Variants in MIR2052HG observed in about 807,000 individuals in gnomAD.
MIR2052HG encodes MIR2052 host gene.
chr8:74,620,588 ACT>A (rs1808348020), intron 2 of MIR2052HG, among the ~76,000 whole-genome samples: 1 of 152,240 alleles, frequency 6.6e-6, no homozygotes, highest in Non-Finnish European at 1.5e-5. Flanking sequence ...TGGAGTTTGC[ACT>A]CTCTGAAGCA....
At chr8:74,725,071 G>A (rs1809620066) in intron 4 of MIR2052HG, among the ~76,000 whole-genome samples, 1 of 151,950 alleles carries the variant, frequency 6.6e-6, no homozygotes, top group African/African-American at 2.4e-5. Flanking sequence ...AAGAACAAAA[G>A]AAGAATAGAA....
At chr8:74,628,504 T>A (rs1003169518) in intron 2 of MIR2052HG, among the ~76,000 whole-genome samples, 1 of 152,182 alleles carries the variant, frequency 6.6e-6, no homozygotes, top group African/African-American at 2.4e-5. Flanking sequence ...TCAGCCTAGC[T>A]CCTTGTTCAG....
chr8:74,633,518 A>G (rs759277625), intron 2 of MIR2052HG, among the ~76,000 whole-genome samples: 29 of 152,278 alleles, frequency 1.9e-4, no homozygotes, highest in Middle Eastern at 3.4e-3. Context: ...CCCTAATCAC[A>G]AGGCTCCTCC....
At chr8:74,719,835 T>C (rs1028431474) in intron 4 of MIR2052HG, among the ~76,000 whole-genome samples, 2 of 136,906 alleles carry the variant, frequency 1.5e-5, no homozygotes, top group Non-Finnish European at 3.1e-5. Flanking sequence ...CCTTCTTTTT[T>C]TTTTTTCTTT....
chr8:74,600,703 G>A (rs1394350477), intron 1 of MIR2052HG, among the ~76,000 whole-genome samples: 1 of 151,906 alleles, frequency 6.6e-6, no homozygotes, highest in Non-Finnish European at 1.5e-5. Context: ...AGCCTCCCAA[G>A]TAGCTGGGAT....
At chr8:74,703,668 T>C (rs922696094) in exon 4 of MIR2052HG, 8 of 452,526 alleles carry the variant, frequency 1.8e-5, no homozygotes, top group African/African-American at 1.2e-4. Flanking sequence ...GAGTGATTTA[T>C]CTTTTTCATC....
intron 2 of MIR2052HG, among the ~76,000 whole-genome samples, chr8:74,690,420 C>T (rs1452493931): frequency 6.6e-6 from 1 of 151,974 alleles, no homozygotes; most frequent in Non-Finnish European, 1.5e-5. Context: ...AATCGTCCTA[C>T]GTGGATAGAT....
chr8:74,680,849 G>T lies in MIR2052HG; in HGVS notation n.217-21530G>T, dbSNP rs1167749823. ...CAATGATAGACTGGATTAAGAAAAT[G>T]TGGCACATATACACCATGGAATACT... is the stretch of plus-strand genomic sequence containing the variant. On this transcript the variant is annotated intron_variant and non_coding_transcript_variant, in intron 2 of 6. Coordinates refer to ENST00000523442, the Ensembl canonical transcript of MIR2052HG. Among the ~76,000 whole-genome samples the T allele has an allele frequency of 2.6e-5, 4 of 151,570 alleles. No individual in the cohort carries two copies. In the East Asian group the frequency reaches 5.8e-4, roughly 22 times the overall value.
chr8:74,695,650 A>C (rs1323823703), intron 2 of MIR2052HG, among the ~76,000 whole-genome samples: 1 of 152,126 alleles, frequency 6.6e-6, no homozygotes, highest in East Asian at 1.9e-4. Context: ...AAAAGTGAGC[A>C]GGAGTAGCTA....
At chr8:74,699,679 G>A (rs909133815) in intron 2 of MIR2052HG, among the ~76,000 whole-genome samples, 3 of 151,916 alleles carry the variant, frequency 2.0e-5, no homozygotes, top group Non-Finnish European at 4.4e-5. Flanking sequence ...GACATATTGG[G>A]TACAGTGCAC....
intron 2 of MIR2052HG, among the ~76,000 whole-genome samples, chr8:74,625,906 A>G (rs909800874): frequency 1.3e-5 from 2 of 152,228 alleles, no homozygotes; most frequent in African/African-American, 4.8e-5. Context: ...TTATAAGAGC[A>G]GTCACCCTAC....
intron 4 of MIR2052HG, chr8:74,752,434 G>C (rs1364844470): frequency 2.2e-6 from 1 of 452,772 alleles, no homozygotes; most frequent in South Asian, 1.6e-5. Flanking sequence ...TGAATTTCAT[G>C]CACTAGGCCC....
chr8:74,682,200 T>A (rs1809133022), intron 2 of MIR2052HG, among the ~76,000 whole-genome samples: 1 of 152,258 alleles, frequency 6.6e-6, no homozygotes, highest in South Asian at 2.1e-4. Flanking sequence ...AATTTTAAAG[T>A]ATTTAGAGGA....
intron 2 of MIR2052HG, among the ~76,000 whole-genome samples, chr8:74,614,572 C>T (rs1434667096): frequency 6.6e-6 from 1 of 152,066 alleles, no homozygotes; most frequent in Non-Finnish European, 1.5e-5. Context: ...GGCAAATTGT[C>T]TTCTAATCCT....
chr8:74,667,600 T>C (rs573542996), intron 2 of MIR2052HG, among the ~76,000 whole-genome samples: 42 of 152,316 alleles, frequency 2.8e-4, no homozygotes, highest in African/African-American at 9.9e-4. Flanking sequence ...CCCACAAGCA[T>C]GGATGGAATC....
At chr8:74,601,442 G>A (rs1474089974) in intron 1 of MIR2052HG, among the ~76,000 whole-genome samples, 1 of 152,108 alleles carries the variant, frequency 6.6e-6, no homozygotes, top group Non-Finnish European at 1.5e-5. Context: ...TCCCTCATCT[G>A]TACGTGTTAA....
rs527986621 is a variant in MIR2052HG at position 74,649,501 on chromosome 8, G to T, written n.216+36561G>T. On this transcript the variant is annotated intron_variant and non_coding_transcript_variant, in intron 2 of 6. Transcript: ENST00000523442. ...ATCATGGTCTTTCAAACATGAATGT[G>T]AATATGAATATATTTACATATATAC... 3.9e-5 allele frequency among the ~76,000 whole-genome samples: 6 copies of T among 152,060 alleles called. No individual in the cohort carries two copies. In the East Asian group the frequency reaches 1.2e-3, roughly 29 times the overall value.
chr8:74,673,455 C>A (rs1214073658), intron 2 of MIR2052HG, among the ~76,000 whole-genome samples: 1 of 152,016 alleles, frequency 6.6e-6, no homozygotes, highest in Non-Finnish European at 1.5e-5. Context: ...ATGTTGGCTG[C>A]CTTGGTTGGC....
At chr8:74,720,767 A>T (rs1563539511) in intron 4 of MIR2052HG, among the ~76,000 whole-genome samples, 1 of 152,130 alleles carries the variant, frequency 6.6e-6, no homozygotes, top group African/African-American at 2.4e-5. Flanking sequence ...ATGTACACAT[A>T]TATATGTTTA....
Sources: allele counts gnomAD v4.1 joint callset (sites outside exome capture counted in the v4.1 genomes callset), GRCh38; gene constraint gnomAD v4.1.1; transcripts MANE v1.5; gene names NCBI Gene and HGNC (gene_info 2026-07-23, HGNC 2026-07-21).